The following TBC1D4 variants were observed in gnomAD, a reference collection of about 807,000 sequenced individuals.
TBC1D4 encodes TBC (Tre-2, BUB2, CDC16) domain-containing protein.
Under a neutral mutation model 142.5 loss-of-function variants are expected in TBC1D4, and 121 were observed. The ratio of observed to expected loss-of-function variants is 0.85; its 90% CI spans 0.73 to 0.99. The LOEUF is 0.99. Among genes scored for constraint, TBC1D4 ranks in the 50% least tolerant of loss-of-function variants. The pLI, the probability that TBC1D4 is intolerant of heterozygous loss-of-function variation, is 0.00. For synonymous variants in TBC1D4, 630 were observed against 628.2 expected (o/e 1.00, Z -0.04); for missense variants, 1,475 against 1,606.6 (o/e 0.92, Z 1.40).
chr13:75,348,721 A>G (rs1213077930), intron 5 of TBC1D4, among the ~76,000 whole-genome samples: 2 of 152,164 alleles, frequency 1.3e-5, no homozygotes, highest in Non-Finnish European at 2.9e-5. Context: ...CTAAAGTTCT[A>G]CATTTTTAGA....
intron 1 of TBC1D4, among the ~76,000 whole-genome samples, chr13:75,453,812 T>C (rs1887622506): frequency 6.6e-6 from 1 of 150,572 alleles, no homozygotes; most frequent in East Asian, 2.0e-4. Flanking sequence ...CAGTGAGCCG[T>C]GATAGTGCCA....
intron 12 of TBC1D4, 108 bp downstream of exon 12, chr13:75,319,906 G>T: frequency 1.8e-6 from 2 of 1,126,624 alleles, no homozygotes; most frequent in Non-Finnish European, 2.6e-6. Context: ...TCAGAAAGAT[G>T]GCATGCATTC....
intron 1 of TBC1D4, among the ~76,000 whole-genome samples, chr13:75,370,260 C>G (rs953013565): frequency 2.3e-4 from 35 of 152,050 alleles, no homozygotes; most frequent in African/African-American, 8.2e-4. Context: ...TTGTGGGAGA[C>G]GTGGGAGATC....
At position 75,337,004 on chromosome 13, in the gene TBC1D4, T is replaced by C. The variant is rs761871582; in HGVS notation, c.1648A>G (p.Ser550Gly). The C allele has an allele frequency of 2.2e-5, 36 of 1,613,372 alleles. No individual in the cohort carries two copies. In the Admixed American group the frequency reaches 4.2e-4, roughly 19 times the overall value. ...ATGTCAAGTTTGAACCTTCCACTGC[T>C]TGTTGCATTTTCTGGGATTGTACTA... The part of the protein sequence containing the change: ...SNSTIPENAT[S>G]SGRFKLDILK... Residue 550 changes from serine (S) to glycine (G), a missense_variant, in exon 8 of 21, where the codon AGC becomes GGC. Coordinates refer to ENST00000377636, the MANE Select transcript of TBC1D4 (RefSeq NM_014832.5).
At chr13:75,335,991 G>C (rs1880163218) in intron 8 of TBC1D4, among the ~76,000 whole-genome samples, 2 of 152,128 alleles carry the variant, frequency 1.3e-5, no homozygotes, top group South Asian at 4.1e-4. Context: ...TTGAGCATCA[G>C]TATTCTATTT....
intron 1 of TBC1D4, among the ~76,000 whole-genome samples, chr13:75,435,518 G>C (rs1886764596): frequency 6.6e-6 from 1 of 152,092 alleles, no homozygotes; most frequent in Non-Finnish European, 1.5e-5. Context: ...GAAATGCTAA[G>C]ACAAGCAACA....
intron 1 of TBC1D4, among the ~76,000 whole-genome samples, chr13:75,410,915 G>T (rs377440871): frequency 6.3e-5 from 8 of 126,624 alleles, no homozygotes; most frequent in African/African-American, 2.7e-4. Context: ...CAGCCTGGGC[G>T]ACAGAGCGAG....
intron 1 of TBC1D4, among the ~76,000 whole-genome samples, chr13:75,442,465 C>G (rs942757521): frequency 6.6e-6 from 1 of 151,982 alleles, no homozygotes; most frequent in African/African-American, 2.4e-5. Context: ...AAATTTTGTT[C>G]TGGAATCATA....
Position 75,481,267 on chromosome 13 carries a change from T to G in TBC1D4, c.498+3A>C, listed in dbSNP as rs1888855305. The G allele has an allele frequency of 6.2e-7, 1 of 1,613,012 alleles. No individual in the cohort carries two copies. Among genetic ancestry groups the G allele is most frequent in the East Asian group, 2.2e-5 (1 of 44,816 alleles). On this transcript the variant is annotated splice_donor_region_variant and intron_variant, in intron 1 of 20. Transcript: ENST00000377636. ...CCCCCGCGCCTCCGAGCCCCTGTCT[T>G]GCCTGGCTGGGGTCTGTGGCGCGGA...
chr13:75,354,523 A>G (rs985411341), intron 4 of TBC1D4, among the ~76,000 whole-genome samples: 1 of 152,238 alleles, frequency 6.6e-6, no homozygotes, highest in African/African-American at 2.4e-5. Context: ...ATACATTAGC[A>G]TTTGTAAGTA....
At chr13:75,467,270 T>C (rs529205043) in intron 1 of TBC1D4, among the ~76,000 whole-genome samples, 1 of 152,368 alleles carries the variant, frequency 6.6e-6, no homozygotes, top group East Asian at 1.9e-4. Flanking sequence ...TTTTCATATT[T>C]GCCTTTTGCC....
chr13:75,294,759 C>T, intron 18 of TBC1D4, 95 bp downstream of exon 18: 2 of 1,370,466 alleles, frequency 1.5e-6, no homozygotes, highest in Non-Finnish European at 2.1e-6. Context: ...CTGTATAACA[C>T]ATGATAGAAC....
chr13:75,287,746 G>C (rs1228545364), intron 20 of TBC1D4, among the ~76,000 whole-genome samples: 1 of 152,182 alleles, frequency 6.6e-6, no homozygotes, highest in Non-Finnish European at 1.5e-5. Context: ...TTCTTGGGAA[G>C]CAACTACTTT....
At chr13:75,410,317 T>G (rs184250615) in intron 1 of TBC1D4, among the ~76,000 whole-genome samples, 1 of 152,304 alleles carries the variant, frequency 6.6e-6, no homozygotes, top group East Asian at 1.9e-4. Context: ...ACACACACAG[T>G]AATCCAGGTG....
At chr13:75,288,474 C>T (rs561118852) in intron 20 of TBC1D4, among the ~76,000 whole-genome samples, 29 of 152,224 alleles carry the variant, frequency 1.9e-4, no homozygotes, top group African/African-American at 6.3e-4. Context: ...CTCTCCCCAA[C>T]CTCTATCTTA....
At chr13:75,315,167 G>A (rs1175570493) in intron 12 of TBC1D4, among the ~76,000 whole-genome samples, 1 of 150,076 alleles carries the variant, frequency 6.7e-6, no homozygotes, top group Non-Finnish European at 1.5e-5. Context: ...AATTAGCCAG[G>A]TGTGGTGGTG....
intron 16 of TBC1D4, 144 bp from the exon 17 acceptor site, chr13:75,299,718 AAG>A: frequency 1.9e-6 from 2 of 1,031,314 alleles, no homozygotes; most frequent in East Asian, 5.2e-5. Flanking sequence ...CCATGTAACT[AAG>A]AGTCTCTCCC....
chr13:75,480,038 A>AAAAAC (rs1309727140), intron 1 of TBC1D4, among the ~76,000 whole-genome samples: 1 of 151,982 alleles, frequency 6.6e-6, no homozygotes, highest in Non-Finnish European at 1.5e-5. Context: ...TCTCAAAAAA[A>AAAAAC]AAAAACCTAT....
At chr13:75,438,454 C>G (rs964697973) in intron 1 of TBC1D4, among the ~76,000 whole-genome samples, 1 of 152,118 alleles carries the variant, frequency 6.6e-6, no homozygotes, top group Non-Finnish European at 1.5e-5. Context: ...CAGAAGAGCT[C>G]TATCCTAGGT....
Sources: gnomAD v4.1 joint callset for allele counts (sites outside exome capture counted in the v4.1 genomes callset) on GRCh38, gnomAD v4.1.1 for gene constraint, MANE v1.5 for transcripts, NCBI Gene and HGNC (gene_info 2026-07-23, HGNC 2026-07-21) for gene names.